Variants in ARFGAP1 observed in about 807,000 individuals in gnomAD.
The protein encoded by ARFGAP1 is ADP-ribosylation factor GTPase-activating protein 1.
In ARFGAP1, 26 loss-of-function variants were observed where a neutral mutation model predicts 54.0. The ratio of observed to expected loss-of-function variants is 0.48; its 90% CI spans 0.35 to 0.67. The LOEUF (loss-of-function observed/expected upper bound fraction) is 0.67, where lower values mean the gene tolerates loss of function less well. Ranked by LOEUF, ARFGAP1 falls within the 30% of genes least tolerant of loss-of-function variation. The pLI, the probability that ARFGAP1 is intolerant of heterozygous loss-of-function variation, is 0.00. For missense variants in ARFGAP1, 525 were observed against 535.8 expected (o/e 0.98, Z 0.20); for synonymous variants, 248 against 211.9 (o/e 1.17, Z -1.48).
Position 63,287,575 on chromosome 20 carries a change from G to A in ARFGAP1, c.923G>A (p.Gly308Asp), listed in dbSNP as rs752611478. 1.3e-6 allele frequency: 2 copies of A among 1,590,160 alleles called. No homozygotes were observed. The highest frequency in any genetic ancestry group is 2.7e-5 in the African/African-American group (2 of 74,110). The change falls in exon 13 of 13, where the codon GGC (glycine) becomes GAC (aspartate). Residue 308 changes from glycine (G) to aspartate (D), a missense_variant. Gly to Asp is a moderately conservative substitution (Grantham distance 94). Transcript: ENST00000370283. The part of the protein sequence containing the change: ...AEGPLDSPSE[G>D]HSYQNSGLDH... ...TGTCTCTTTAAAAGCCCCTCGGAGGGCCACAGTTATCAGAACAGCGGTCTG... is the reference window on the plus strand; with the variant it reads ...TGTCTCTTTAAAAGCCCCTCGGAGGACCACAGTTATCAGAACAGCGGTCTG...
chr20:63,288,379 G>C lies in ARFGAP1; in HGVS notation c.*506G>C, dbSNP rs528135604. ...TGCTGGAAATGATACTGGCGCTCAC[G>C]CTGCCATCCGACCACCCTCGGCTCC... On this transcript the variant is annotated 3_prime_UTR_variant, in exon 13 of 13. Transcript: ENST00000370283. 99 of 456,394 alleles carry C rather than the reference G, an allele frequency of 2.2e-4. No homozygotes were observed. The highest frequency in any genetic ancestry group is 1.9e-3 in the African/African-American group (95 of 50,200). 28.3% of individuals were successfully genotyped at this position (456,394 alleles called of 1,614,324 possible).
At chr20:63,284,674 C>A in intron 9 of ARFGAP1, 192 bp from the exon 10 acceptor site, 1 of 1,433,428 alleles carries the variant, frequency 7.0e-7, no homozygotes, top group Non-Finnish European at 9.2e-7. Flanking sequence ...TCTCCGCCTT[C>A]TAGAGGTGGC....
At position 63,286,394 on chromosome 20, in the gene ARFGAP1, G is replaced by A. The variant is rs777867088; in HGVS notation, c.863G>A (p.Arg288Gln). 2.9e-5 allele frequency: 46 copies of A among 1,613,420 alleles called. No individual in the cohort carries two copies. The highest frequency in any genetic ancestry group is 3.5e-5 in the Non-Finnish European group (41 of 1,180,018). ...CAGGGAGTCGGTAGTAAGGGATGGC[G>A]GGACGTCACCACCTTTTTTTCGGGG... ...KVQGVGSKGW[R>Q]DVTTFFSGKA... The change falls in exon 12 of 13, where the codon CGG becomes CAG. Residue 288 changes from arginine (R) to glutamine (Q), a missense_variant. Transcript: ENST00000370283.
At chr20:63,277,701 G>A (rs1396345598) in intron 5 of ARFGAP1, among the ~76,000 whole-genome samples, 1 of 152,078 alleles carries the variant, frequency 6.6e-6, no homozygotes, top group Non-Finnish European at 1.5e-5. Flanking sequence ...CCCACTGCAG[G>A]AACGTCCCGG....
At chr20:63,284,970 G>A (rs375736703) in intron 10 of ARFGAP1, 48 bp downstream of exon 10, 1 of 1,599,720 alleles carries the variant, frequency 6.3e-7, no homozygotes, top group South Asian at 1.1e-5. Context: ...TCACTCCAGG[G>A]GACGTGGGTG....
intron 9 of ARFGAP1, 43 bp downstream of exon 9, chr20:63,282,894 A>G: frequency 4.3e-6 from 7 of 1,611,124 alleles, no homozygotes; most frequent in Non-Finnish European, 5.9e-6. Flanking sequence ...ATCTGAAACT[A>G]TCCTGAGTCT....
intron 6 of ARFGAP1, chr20:63,278,567 A>G (rs2067293621): frequency 2.2e-6 from 1 of 464,986 alleles, no homozygotes; most frequent in African/African-American, 2.0e-5. Context: ...AGAAAAGCAT[A>G]ACACATTTTC....
intron 10 of ARFGAP1, 35 bp from the exon 11 acceptor site, chr20:63,285,619 C>T (rs1416770028): frequency 6.8e-6 from 11 of 1,606,326 alleles, no homozygotes; most frequent in Admixed American, 5.0e-5. Context: ...TCATCTCTCC[C>T]GCCCCCATTA....
In ARFGAP1 at chr20:63,285,986, C is replaced by T. The variant is rs556267884; in HGVS notation, c.834+273C>T. 1.1e-5 allele frequency: 17 copies of T among 1,524,456 alleles called. No homozygotes were observed. In the East Asian group the frequency reaches 1.5e-4, roughly 13 times the overall value. The allele number at this position is 1,524,456 out of a possible 1,614,324, so 94.4% of individuals were successfully genotyped here. The stretch of plus-strand genomic sequence containing the variant: ...CTTTTCCTCGGTAAGTAAGTGCCAG[C>T]GCCGTCTTTGCTGCCATCAGTCCCA... On this transcript the variant is annotated intron_variant, in intron 11 of 12. Coordinates refer to ENST00000370283, the MANE Select transcript of ARFGAP1 (RefSeq NM_018209.4).
intron 8 of ARFGAP1, among the ~76,000 whole-genome samples, chr20:63,282,410 G>A (rs1466783205): frequency 2.6e-5 from 4 of 152,252 alleles, no homozygotes; most frequent in East Asian, 1.9e-4. Context: ...GCATGGAGCC[G>A]TCCCCACAGC....
rs796388815 is a variant in ARFGAP1 at position 63,286,239 on chromosome 20, C to G, written c.835-127C>G. 4.5e-6 allele frequency: 7 copies of G among 1,551,146 alleles called. No homozygotes were observed. In the African/African-American group the frequency reaches 5.5e-5, roughly 12 times the overall value. ...TGTCTGTACGTGTGTGCGAGGCACC[C>G]CTTGTTTCTGGATTTTGCCTGGGTC... On this transcript the variant is annotated intron_variant, in intron 11 of 12. Coordinates refer to ENST00000370283, the MANE Select transcript of ARFGAP1 (RefSeq NM_018209.4).
intron 1 of ARFGAP1, among the ~76,000 whole-genome samples, chr20:63,275,016 T>C (rs1439118873): frequency 6.6e-6 from 1 of 152,174 alleles, no homozygotes; most frequent in Non-Finnish European, 1.5e-5. Context: ...CAGAAGGACC[T>C]ACTGCAGGTC....
At chr20:63,284,363 G>C (rs2067467053) in intron 9 of ARFGAP1, 1 of 1,057,278 alleles carries the variant, frequency 9.5e-7, no homozygotes, top group Non-Finnish European at 1.1e-6. Context: ...ACATCCCCAG[G>C]TGGCCGTGTG....
At chr20:63,285,496 C>T (rs2067508027) in intron 10 of ARFGAP1, 158 bp from the exon 11 acceptor site, 6 of 746,560 alleles carry the variant, frequency 8.0e-6, no homozygotes, top group East Asian at 5.0e-5. Context: ...GCTGGAATCC[C>T]TTTGGGGCCA....
Position 63,288,806 on chromosome 20 carries a change from C to T in ARFGAP1, c.*933C>T. ...ACCTCCCCGAGGACTGGATGATGTG[C>T]TGCCACGTGTGACTCGTCTCCCTTG... On this transcript the variant is annotated 3_prime_UTR_variant, in exon 13 of 13. Transcript: ENST00000370283. 1 of 333,782 alleles carries T rather than the reference C, an allele frequency of 3.0e-6. No individual in the cohort carries two copies. The highest frequency in any genetic ancestry group is 2.4e-5 in the South Asian group (1 of 41,666). 20.7% of individuals were successfully genotyped at this position (333,782 alleles called of 1,614,324 possible).
chr20:63,287,855 G>A lies in ARFGAP1; in HGVS notation c.1203G>A (p.Trp401Ter). The change falls in exon 13 of 13, where the codon TGG becomes TGA. Residue 401 changes from tryptophan (W) to a stop codon, truncating the protein, a stop_gained. Coordinates refer to ENST00000370283, the MANE Select transcript of ARFGAP1 (RefSeq NM_018209.4). LOFTEE classifies it high-confidence loss of function. ...VPPAVPTDDG[W>*]DNQNW ...CGGCCGTGCCCACTGATGATGGCTGGGACAACCAGAACTGGTAGGGCCCAC... is the reference window on the plus strand; with the variant it reads ...CGGCCGTGCCCACTGATGATGGCTGAGACAACCAGAACTGGTAGGGCCCAC... 1 of 1,554,294 alleles carries A rather than the reference G, an allele frequency of 6.4e-7. No individual in the cohort carries two copies. The highest frequency in any genetic ancestry group is 8.7e-7 in the Non-Finnish European group (1 of 1,149,308).
rs530640554 is a variant in ARFGAP1, at chr20:63,287,934, G to C, written c.*61G>C. The C allele has an allele frequency of 1.3e-5, 18 of 1,435,990 alleles. 2 individuals carry two copies. In the South Asian group the frequency reaches 2.5e-4, roughly 20 times the overall value. 89.0% of individuals were successfully genotyped at this position (1,435,990 alleles called of 1,614,324 possible). A position where few individuals can be genotyped will look rare whatever the true frequency, so the allele number is the denominator to read the frequency against. Reference sequence around the variant, plus strand: ...GACTTCGTGTTTGCACTCTGCCCTCGTCGTTCCTCCTCCTTCCATTTGACC... The same window carrying C: ...GACTTCGTGTTTGCACTCTGCCCTCCTCGTTCCTCCTCCTTCCATTTGACC... On this transcript the variant is annotated 3_prime_UTR_variant, in exon 13 of 13. Coordinates refer to ENST00000370283, the MANE Select transcript of ARFGAP1 (RefSeq NM_018209.4).
At chr20:63,278,838 G>A (rs905841490) in intron 6 of ARFGAP1, 61 bp from the exon 7 acceptor site, 76 of 1,564,082 alleles carry the variant, frequency 4.9e-5, no homozygotes, top group Non-Finnish European at 6.4e-5. Context: ...AGGGCCCCAC[G>A]CCCTCGGGAG....
Position 63,288,788 on chromosome 20 carries a change from C to T in ARFGAP1, c.*915C>T, listed in dbSNP as rs766440388. ...CGCCACATGCCAACCCTCACCTCCC[C>T]GAGGACTGGATGATGTGCTGCCACG... On this transcript the variant is annotated 3_prime_UTR_variant, in exon 13 of 13. Transcript: ENST00000370283. 6 of 339,358 alleles carry T rather than the reference C, an allele frequency of 1.8e-5. No homozygotes were observed. Among genetic ancestry groups the T allele is most frequent in the Non-Finnish European group, 2.9e-5 (5 of 170,302 alleles). The allele number at this position is 339,358 out of a possible 1,614,324, so 21.0% of individuals were successfully genotyped here. A position where few individuals can be genotyped will look rare whatever the true frequency, so the allele number is the denominator to read the frequency against.
Sources: gnomAD v4.1 joint callset for allele counts (sites outside exome capture counted in the v4.1 genomes callset) on GRCh38, gnomAD v4.1.1 for gene constraint, MANE v1.5 for transcripts, NCBI Gene and HGNC (gene_info 2026-07-23, HGNC 2026-07-21) for gene names.